ATP6V1E1: variants seen among roughly 807,000 people sequenced by gnomAD.
The protein encoded by ATP6V1E1 is V-type proton ATPase subunit E 1.
ATP6V1E1 carries 21 observed loss-of-function variants against 35.2 expected under a neutral mutation model. That is an observed-to-expected ratio of 0.60 (90% CI 0.42 to 0.86). The LOEUF is 0.86. Among genes scored for constraint, ATP6V1E1 ranks in the 40% least tolerant of loss-of-function variants. The probability of loss-of-function intolerance (pLI) is 0.00; values close to 1 mark genes in which losing one functional copy is unlikely to be tolerated. For missense variants in ATP6V1E1, 183 were observed against 272.6 expected (o/e 0.67, Z 2.32); for synonymous variants, 83 against 87.8 (o/e 0.95, Z 0.30).
chr22:17,606,043 TA>T (rs2057785565), intron 4 of ATP6V1E1, among the ~76,000 whole-genome samples: 1 of 152,028 alleles, frequency 6.6e-6, no homozygotes, highest in African/African-American at 2.4e-5. Context: ...CTGGGAATGG[TA>T]AAAACGGAAC....
At chr22:17,607,168 T>A (rs1352005305) in intron 4 of ATP6V1E1, among the ~76,000 whole-genome samples, 4 of 152,050 alleles carry the variant, frequency 2.6e-5, no homozygotes, top group African/African-American at 7.2e-5. Flanking sequence ...TCTTTTTTTT[T>A]TTATTTTTGA....
intron 4 of ATP6V1E1, among the ~76,000 whole-genome samples, chr22:17,605,491 T>C (rs1270477464): frequency 2.0e-5 from 3 of 151,862 alleles, no homozygotes; most frequent in Admixed American, 6.6e-5. Flanking sequence ...GATTGCACCA[T>C]TGCACTCCAG....
At chr22:17,595,521 G>T (rs919752978) in intron 7 of ATP6V1E1, among the ~76,000 whole-genome samples, 1 of 152,188 alleles carries the variant, frequency 6.6e-6, no homozygotes, top group African/African-American at 2.4e-5. Flanking sequence ...ACGACTGCAT[G>T]TGTGTCTGAT....
rs368543194 is a variant in ATP6V1E1 at position 17,592,650 on chromosome 22, C to G, written c.*24G>C. On this transcript the variant is annotated 3_prime_UTR_variant, in exon 9 of 9. Transcript: ENST00000253413. ...TTCCACATCACAGCAGGAGAGCTGA[C>G]GACGAGCTCCACCTCCTGAAGGCTT... The G allele has an allele frequency of 6.2e-7, 1 of 1,611,350 alleles. No homozygotes were observed. Among genetic ancestry groups the G allele is most frequent in the East Asian group, 2.2e-5 (1 of 44,884 alleles).
At chr22:17,603,050 G>A (rs1399768122) in intron 4 of ATP6V1E1, among the ~76,000 whole-genome samples, 1 of 152,118 alleles carries the variant, frequency 6.6e-6, no homozygotes, top group Admixed American at 6.6e-5. Flanking sequence ...TCCACCTCCC[G>A]GGTTCAAGCG....
intron 8 of ATP6V1E1, among the ~76,000 whole-genome samples, chr22:17,593,533 G>C (rs1011684141): frequency 2.0e-5 from 3 of 152,184 alleles, no homozygotes; most frequent in Admixed American, 6.5e-5. Context: ...GGCAGTCCTA[G>C]CTACAGATGG....
intron 1 of ATP6V1E1, among the ~76,000 whole-genome samples, chr22:17,627,167 TTTA>T (rs1346947985): frequency 6.6e-6 from 1 of 151,710 alleles, no homozygotes; most frequent in Admixed American, 6.6e-5. Context: ...TCTTTTTTTT[TTTA>T]TTTTTTTGAG....
rs757617918 is a variant in ATP6V1E1, at chr22:17,594,540, T to C, written c.607A>G (p.Ile203Val). 6 of 1,588,816 alleles carry C rather than the reference T, an allele frequency of 3.8e-6. No individual in the cohort carries two copies. The highest frequency in any genetic ancestry group is 4.5e-5 in the East Asian group (2 of 44,286). The part of the protein sequence containing the change: ...SNTLESRLDL[I>V]AQQMMPEVRG... ...ACCCCCACACTCACCTGCTGGGCTATGAGATCCAGCCGGCTTTCCAGGGTG... is the reference window on the plus strand; with the variant it reads ...ACCCCCACACTCACCTGCTGGGCTACGAGATCCAGCCGGCTTTCCAGGGTG... Residue 203 changes from isoleucine (I) to valine (V), a missense_variant, in exon 8 of 9, where the codon ATA (isoleucine) becomes GTA (valine). By Grantham distance (29) the Ile-to-Val change is conservative. Coordinates refer to ENST00000253413, the MANE Select transcript of ATP6V1E1 (RefSeq NM_001696.4).
chr22:17,605,851 G>T (rs1428540044), intron 4 of ATP6V1E1, among the ~76,000 whole-genome samples: 1 of 151,840 alleles, frequency 6.6e-6, no homozygotes. Context: ...GTAGAGACAA[G>T]GTCTTACTGT....
At chr22:17,628,505 T>A in intron 1 of ATP6V1E1, 98 bp downstream of exon 1, 1 of 1,526,714 alleles carries the variant, frequency 6.6e-7, no homozygotes, top group African/African-American at 1.4e-5. Flanking sequence ...TCCTGCGGCA[T>A]CTGGGCGGCT....
intron 1 of ATP6V1E1, among the ~76,000 whole-genome samples, chr22:17,623,238 T>C (rs562697660): frequency 2.0e-5 from 3 of 152,286 alleles, no homozygotes; most frequent in African/African-American, 7.2e-5. Context: ...ATACTTGGGG[T>C]ACCTAATCCA....
intron 2 of ATP6V1E1, among the ~76,000 whole-genome samples, chr22:17,618,695 A>G (rs372224392): frequency 0.18 from 27,406 of 150,522 alleles, 2,968 homozygotes; most frequent in African/African-American, 0.29. Flanking sequence ...AAAAAAAAAA[A>G]AAAAAAAAAA....
chr22:17,628,500 CG>C (rs2057937343), intron 1 of ATP6V1E1, 102 bp downstream of exon 1: 1 of 1,491,920 alleles, frequency 6.7e-7, no homozygotes, highest in African/African-American at 1.4e-5. Flanking sequence ...GACCTTCCTG[CG>C]GCATCTGGGC....
At chr22:17,612,943 T>C in intron 3 of ATP6V1E1, 65 bp from the exon 4 acceptor site, 2 of 1,469,458 alleles carry the variant, frequency 1.4e-6, no homozygotes, top group Non-Finnish European at 1.9e-6. Context: ...GAATTCGAAC[T>C]CCTGGGCTCA....
chr22:17,592,531 G>A lies in ATP6V1E1; in HGVS notation c.*143C>T, dbSNP rs1474077639. ...TTGTGAACAATTAGGCAAGGCATGA[G>A]TGACAGAGGGGCATCGCTGATAAAT... On this transcript the variant is annotated 3_prime_UTR_variant, in exon 9 of 9. Coordinates refer to ENST00000253413, the MANE Select transcript of ATP6V1E1 (RefSeq NM_001696.4). The A allele has an allele frequency of 3.5e-6, 3 of 848,504 alleles. No individual in the cohort carries two copies. The highest frequency in any genetic ancestry group is 3.4e-5 in the African/African-American group (2 of 59,292). The allele number at this position is 848,504 out of a possible 1,614,324, so 52.6% of individuals were successfully genotyped here. A position where few individuals can be genotyped will look rare whatever the true frequency, so the allele number is the denominator to read the frequency against.
intron 2 of ATP6V1E1, among the ~76,000 whole-genome samples, chr22:17,616,309 C>T (rs1334031150): frequency 6.6e-6 from 1 of 152,114 alleles, no homozygotes; most frequent in Non-Finnish European, 1.5e-5. Context: ...CATTGCACCA[C>T]TGCACTCCAG....
At chr22:17,613,914 T>G (rs1319495190) in intron 2 of ATP6V1E1, among the ~76,000 whole-genome samples, 1 of 151,602 alleles carries the variant, frequency 6.6e-6, no homozygotes, top group African/African-American at 2.4e-5. Context: ...TTGCAGCGAG[T>G]GGAGATCGTG....
At chr22:17,625,795 C>A (rs932666123) in intron 1 of ATP6V1E1, among the ~76,000 whole-genome samples, 1 of 151,790 alleles carries the variant, frequency 6.6e-6, no homozygotes, top group African/African-American at 2.4e-5. Flanking sequence ...TTATAAACTG[C>A]TACTATATTC....
intron 1 of ATP6V1E1, among the ~76,000 whole-genome samples, chr22:17,626,855 A>T (rs1378135758): frequency 4.0e-5 from 6 of 151,646 alleles, no homozygotes; most frequent in Non-Finnish European, 1.5e-5. Context: ...TTAAGAAAAA[A>T]TTTTTTAGAG....
Sources: gnomAD v4.1 joint callset for allele counts (sites outside exome capture counted in the v4.1 genomes callset) on GRCh38, gnomAD v4.1.1 for gene constraint, MANE v1.5 for transcripts, NCBI Gene and HGNC (gene_info 2026-07-23, HGNC 2026-07-21) for gene names.